PRKCH: variants seen among roughly 807,000 people sequenced by gnomAD.
PRKCH encodes protein kinase C eta.
Under a neutral mutation model 82.5 loss-of-function variants are expected in PRKCH, and 28 were observed. The ratio of observed to expected loss-of-function variants is 0.34; its 90% CI spans 0.25 to 0.47. The LOEUF (loss-of-function observed/expected upper bound fraction) is 0.47. Among genes scored for constraint, PRKCH ranks in the 20% least tolerant of loss-of-function variants. The pLI is 1.00. For missense variants in PRKCH, 705 were observed against 881.8 expected, an observed-to-expected ratio of 0.80 and a Z score of 2.54; for synonymous variants, 322 against 327.4, an observed-to-expected ratio of 0.98 and a Z score of 0.18.
chr14:61,481,871 A>C (rs981399349), intron 9 of PRKCH, among the ~76,000 whole-genome samples: 3 of 152,038 alleles, frequency 2.0e-5, no homozygotes, highest in African/African-American at 7.2e-5. Flanking sequence ...AGCAGCTATC[A>C]CTTACTGCAC....
intron 10 of PRKCH, among the ~76,000 whole-genome samples, chr14:61,517,368 C>A (rs1308417421): frequency 6.6e-6 from 1 of 152,206 alleles, no homozygotes; most frequent in Non-Finnish European, 1.5e-5. Context: ...TATTTTCTGA[C>A]AATCGAATGT....
intron 1 of PRKCH, among the ~76,000 whole-genome samples, chr14:61,252,010 C>T (rs1594874817): frequency 1.3e-5 from 2 of 151,874 alleles, no homozygotes; most frequent in Admixed American, 6.6e-5. Flanking sequence ...CAGCTAATTT[C>T]TGTATTTTTA....
At chr14:61,312,298 G>A (rs1301333413) in intron 1 of PRKCH, among the ~76,000 whole-genome samples, 1 of 152,152 alleles carries the variant, frequency 6.6e-6, no homozygotes, top group Non-Finnish European at 1.5e-5. Context: ...CACCATGCCT[G>A]GCTCATTTTT....
chr14:61,463,175 G>A (rs1170857783), intron 9 of PRKCH: 1 of 152,140 alleles, frequency 6.6e-6, no homozygotes, highest in Non-Finnish European at 1.5e-5. Flanking sequence ...AATGAAAACA[G>A]GATCGCTGTG....
chr14:61,484,549 A>G (rs1010043754), intron 9 of PRKCH, among the ~76,000 whole-genome samples: 2 of 152,090 alleles, frequency 1.3e-5, no homozygotes, highest in Non-Finnish European at 2.9e-5. Flanking sequence ...TGAAGCAGTC[A>G]TGATTTCCAT....
At chr14:61,383,911 C>T (rs1566849508) in intron 1 of PRKCH, among the ~76,000 whole-genome samples, 1 of 152,068 alleles carries the variant, frequency 6.6e-6, no homozygotes. Context: ...AGTGGGAAGG[C>T]AGCAAAAGGG....
chr14:61,380,312 C>T (rs1464096782), intron 1 of PRKCH, among the ~76,000 whole-genome samples: 2 of 152,126 alleles, frequency 1.3e-5, no homozygotes, highest in African/African-American at 4.8e-5. Flanking sequence ...CTGCCTTGGC[C>T]TCCCAAAGTG....
intron 12 of PRKCH, among the ~76,000 whole-genome samples, chr14:61,534,088 T>G (rs1159808601): frequency 1.3e-5 from 2 of 152,208 alleles, no homozygotes; most frequent in African/African-American, 2.4e-5. Context: ...ACACATTACT[T>G]AAATCAATTG....
At chr14:61,472,677 A>G (rs575734481) in intron 9 of PRKCH, among the ~76,000 whole-genome samples, 1 of 152,332 alleles carries the variant, frequency 6.6e-6, no homozygotes, top group Admixed American at 6.5e-5. Flanking sequence ...TGGATGACAA[A>G]GTGAGACTCC....
Position 61,549,972 on chromosome 14 carries a change from G to A in PRKCH, c.*141G>A, listed in dbSNP as rs2140048521. 1 of 882,282 alleles carries A rather than the reference G, an allele frequency of 1.1e-6. No individual in the cohort carries two copies. The highest frequency in any genetic ancestry group is 2.5e-5 in the East Asian group (1 of 39,942). The allele number at this position is 882,282 out of a possible 1,614,324, so 54.7% of individuals were successfully genotyped here. ...GGAGCAAGTGAAGAACTCTGTGAAG[G>A]ATGGAACTTTCAGATATCAACTATT... On this transcript the variant is annotated 3_prime_UTR_variant, in exon 14 of 14. Transcript: ENST00000332981.
chr14:61,216,584 T>C (rs547079815), intron 1 of PRKCH, among the ~76,000 whole-genome samples: 1 of 152,168 alleles, frequency 6.6e-6, no homozygotes, highest in Admixed American at 6.6e-5. Flanking sequence ...TTCTGAAGGA[T>C]GGGGAGCCCA....
intron 1 of PRKCH, among the ~76,000 whole-genome samples, chr14:61,217,594 G>A (rs1220298575): frequency 6.6e-6 from 1 of 152,068 alleles, no homozygotes; most frequent in Non-Finnish European, 1.5e-5. Flanking sequence ...CTCTCCATAG[G>A]ATCACCTCAG....
chr14:61,203,025 T>C (rs1006783788), intron 1 of PRKCH, among the ~76,000 whole-genome samples: 1 of 152,078 alleles, frequency 6.6e-6, no homozygotes, highest in Non-Finnish European at 1.5e-5. Context: ...CACCTGTTCA[T>C]CTCTCCCCCT....
At chr14:61,549,121 G>C (rs949630693) in intron 13 of PRKCH, among the ~76,000 whole-genome samples, 1 of 152,332 alleles carries the variant, frequency 6.6e-6, no homozygotes, top group South Asian at 2.1e-4. Context: ...ATGGCCTTCA[G>C]AGGCTGGAGC....
At chr14:61,195,778 C>T (rs1273437616) in intron 1 of PRKCH, among the ~76,000 whole-genome samples, 1 of 152,052 alleles carries the variant, frequency 6.6e-6, no homozygotes, top group African/African-American at 2.4e-5. Flanking sequence ...CATGGACTTC[C>T]CTCAGTGGAC....
At chr14:61,228,334 C>T (rs1313009823) in intron 1 of PRKCH, among the ~76,000 whole-genome samples, 3 of 152,288 alleles carry the variant, frequency 2.0e-5, no homozygotes, top group African/African-American at 7.2e-5. Flanking sequence ...ATATTAACAA[C>T]AAGGGCTTAA....
intron 1 of PRKCH, among the ~76,000 whole-genome samples, chr14:61,247,943 T>C (rs192166428): frequency 4.6e-5 from 7 of 152,206 alleles, no homozygotes; most frequent in Middle Eastern, 3.4e-3. Context: ...TTATTTTCTA[T>C]AATTCTAAAA....
intron 12 of PRKCH, among the ~76,000 whole-genome samples, chr14:61,532,099 C>T (rs2043050240): frequency 6.6e-6 from 1 of 152,214 alleles, no homozygotes; most frequent in African/African-American, 2.4e-5. Context: ...GCATGCCAGC[C>T]TTCTGTGGCC....
At chr14:61,210,114 A>G (rs1328380364) in intron 1 of PRKCH, among the ~76,000 whole-genome samples, 11 of 7,892 alleles carry the variant, frequency 1.4e-3, no homozygotes, top group African/African-American at 9.0e-3. Context: ...ACAAACAAAT[A>G]TATATATATA....
Sources: allele counts gnomAD v4.1 joint callset (sites outside exome capture counted in the v4.1 genomes callset), GRCh38; gene constraint gnomAD v4.1.1; transcripts MANE v1.5; gene names NCBI Gene and HGNC (gene_info 2026-07-23, HGNC 2026-07-21).